Variants in MPRIP observed in about 807,000 individuals in gnomAD.
MPRIP encodes the protein myosin phosphatase Rho interacting protein.
Under a neutral mutation model 234.9 loss-of-function variants are expected in MPRIP, and 59 were observed. That is an observed-to-expected ratio of 0.25 (90% CI 0.20 to 0.31). The LOEUF is 0.31. MPRIP is among the 10% of genes least tolerant of loss of function. MPRIP has a pLI of 1.00. For synonymous variants in MPRIP, 1,144 were observed against 1,263.9 expected, an observed-to-expected ratio of 0.91 and a Z score of 2.01; for missense variants, 2,436 against 3,071.0, an observed-to-expected ratio of 0.79 and a Z score of 4.89.
At chr17:17,123,989 T>TA (rs2090444622) in intron 3 of MPRIP, among the ~76,000 whole-genome samples, 1 of 152,222 alleles carries the variant, frequency 6.6e-6, no homozygotes, top group Non-Finnish European at 1.5e-5. Flanking sequence ...AGGTAGTTAA[T>TA]ACATGCTAAT....
intron 3 of MPRIP, among the ~76,000 whole-genome samples, chr17:17,093,772 A>G (rs1028712662): frequency 2.0e-5 from 3 of 152,236 alleles, no homozygotes; most frequent in East Asian, 3.8e-4. Flanking sequence ...TCTTCTAGCC[A>G]GAATACTCCG....
intron 3 of MPRIP, among the ~76,000 whole-genome samples, chr17:17,105,658 T>C (rs976580243): frequency 1.3e-5 from 2 of 152,188 alleles, no homozygotes; most frequent in African/African-American, 4.8e-5. Context: ...TGTCTCTGAT[T>C]ATCCGACGTC....
rs1307958462 is a variant in MPRIP at position 17,166,166 on chromosome 17, AGCCCATGG to A, written c.4576_4583del (p.Ala1526ArgfsTer27). On this transcript the variant is annotated frameshift_variant, in exon 16 of 24. Coordinates refer to ENST00000651222, the MANE Select transcript of MPRIP (RefSeq NM_001364716.4). LOFTEE classifies it high-confidence loss of function. This position sits in a 1 kb window ranked among gnomAD's most constrained non-coding sequence, Gnocchi z 4.4. ...AAGCCCTGCAGCACTGGCCGGCCCC[AGCCCATGG>A]CGGGGCCCGTGCACAGCTGGAGACA... The A allele has an allele frequency of 7.7e-7, 1 of 1,302,720 alleles. No individual in the cohort carries two copies. The highest frequency in any genetic ancestry group is 2.3e-5 in the Admixed American group (1 of 43,440). The allele number at this position is 1,302,720 out of a possible 1,614,324, so 80.7% of individuals were successfully genotyped here.
At chr17:17,142,403 G>C in intron 7 of MPRIP, 1 of 503,156 alleles carries the variant, frequency 2.0e-6, no homozygotes. Flanking sequence ...GGCCTCTAGC[G>C]CGGGGGCAGA....
chr17:17,140,379 T>G (rs576261751), intron 7 of MPRIP, among the ~76,000 whole-genome samples: 19 of 152,276 alleles, frequency 1.2e-4, no homozygotes, highest in Middle Eastern at 3.4e-3. Context: ...TTTCACCTGG[T>G]GCTGGCCCCA....
chr17:17,099,246 C>T (rs1375247798), intron 3 of MPRIP, among the ~76,000 whole-genome samples: 2 of 152,200 alleles, frequency 1.3e-5, no homozygotes, highest in African/African-American at 4.8e-5. Context: ...TTTCCAGGCT[C>T]TTGCTGGGCC....
At chr17:17,181,337 G>A (rs566677155) in intron 23 of MPRIP, among the ~76,000 whole-genome samples, 12 of 152,192 alleles carry the variant, frequency 7.9e-5, no homozygotes, top group South Asian at 2.1e-4. Context: ...CGTTCATCCC[G>A]GAATGAGAAC....
At chr17:17,143,787 G>A (rs935656506) in intron 9 of MPRIP, 118 bp downstream of exon 9, 12 of 533,382 alleles carry the variant, frequency 2.2e-5, no homozygotes, top group Non-Finnish European at 3.4e-5. Flanking sequence ...ACAGGCCCTC[G>A]TGTCCGTGAG....
intron 9 of MPRIP, 69 bp downstream of exon 9, chr17:17,143,738 G>A: frequency 1.9e-6 from 2 of 1,080,926 alleles, no homozygotes; most frequent in South Asian, 1.5e-5. Context: ...GGCGCTGTCT[G>A]TTTCTGTCTA....
chr17:17,170,004 C>G (rs2046095807), intron 16 of MPRIP: 1 of 150,000 alleles, frequency 6.7e-6, no homozygotes, highest in Admixed American at 6.6e-5. Context: ...CCAAAGCACT[C>G]AGATCAAAAT....
intron 22 of MPRIP, among the ~76,000 whole-genome samples, chr17:17,177,750 A>G (rs761265584): frequency 1.3e-5 from 2 of 152,258 alleles, no homozygotes; most frequent in South Asian, 4.1e-4. Flanking sequence ...TTTGACTATA[A>G]TATCTGTAAA....
intron 1 of MPRIP, among the ~76,000 whole-genome samples, chr17:17,057,160 T>G (rs973598306): frequency 3.3e-5 from 5 of 152,182 alleles, no homozygotes; most frequent in African/African-American, 1.2e-4. Context: ...CCCTGCAGAC[T>G]GCTGGGTGGG....
At position 17,165,620 on chromosome 17, in the gene MPRIP, C is replaced by G. The variant is rs1212167485; in HGVS notation, c.4029C>G (p.Thr1343=). The change falls in exon 16 of 24, where the codon ACC becomes ACG. Residue 1343 remains threonine, a synonymous_variant. Transcript: ENST00000651222. ...CCGAAGGGTCTGAGAAGACCTGGAC[C>G]AGCAGCACATCTTCCGACACCAGCC... The part of the protein sequence containing the change: ...IHPEGSEKTW[T]SSTSSDTSQD... The G allele has an allele frequency of 7.7e-7, 1 of 1,304,944 alleles. No homozygotes were observed. The highest frequency in any genetic ancestry group is 1.2e-5 in the South Asian group (1 of 81,034). 80.8% of individuals were successfully genotyped at this position (1,304,944 alleles called of 1,614,324 possible). A position where few individuals can be genotyped will look rare whatever the true frequency, so the allele number is the denominator to read the frequency against.
chr17:17,129,857 G>A (rs2090562584), intron 4 of MPRIP, among the ~76,000 whole-genome samples: 1 of 152,246 alleles, frequency 6.6e-6, no homozygotes, highest in African/African-American at 2.4e-5. Context: ...AGAGTGGTCA[G>A]AAGAAGTGGC....
chr17:17,177,196 A>T, intron 21 of MPRIP, 54 bp from the exon 22 acceptor site: 1 of 1,555,490 alleles, frequency 6.4e-7, no homozygotes, highest in Non-Finnish European at 8.8e-7. Context: ...GCCATGTTGT[A>T]TGTGCTCCTC....
At chr17:17,120,083 T>G (rs1280790235) in intron 3 of MPRIP, among the ~76,000 whole-genome samples, 1 of 152,184 alleles carries the variant, frequency 6.6e-6, no homozygotes, top group Non-Finnish European at 1.5e-5. Context: ...CTCTGTTTTC[T>G]GGTCTGAATG....
At chr17:17,050,176 G>A (rs1438061120) in intron 1 of MPRIP, among the ~76,000 whole-genome samples, 3 of 152,178 alleles carry the variant, frequency 2.0e-5, no homozygotes, top group East Asian at 3.9e-4. Flanking sequence ...TTAATCGGGC[G>A]TGGTGGTGGG....
At position 17,164,176 on chromosome 17, in the gene MPRIP, G is replaced by A. The variant is rs1369643729; in HGVS notation, c.2585G>A (p.Ser862Asn). The A allele has an allele frequency of 5.4e-6, 7 of 1,304,354 alleles. No homozygotes were observed. The highest frequency in any genetic ancestry group is 7.1e-6 in the Non-Finnish European group (7 of 988,984). The allele number at this position is 1,304,354 out of a possible 1,614,324, so 80.8% of individuals were successfully genotyped here. ...CATAGAGTCAACCAAGACCTTCAAA[G>A]TGAGCTTGAAGCCCAGTGCCAGCGC... ...RLHRVNQDLQ[S>N]ELEAQCQRQE... is the part of the protein sequence containing the mutation. The change falls in exon 16 of 24, where the codon AGT becomes AAT. Residue 862 changes from serine to asparagine, a missense_variant. Ser to Asn is a conservative substitution (Grantham distance 46). Coordinates refer to ENST00000651222, the MANE Select transcript of MPRIP (RefSeq NM_001364716.4).
chr17:17,138,620 A>G lies in MPRIP; in HGVS notation c.1250+191A>G, dbSNP rs1209775550. On this transcript the variant is annotated intron_variant, in intron 7 of 23. Coordinates refer to ENST00000651222, the MANE Select transcript of MPRIP (RefSeq NM_001364716.4). This position sits in a 1 kb window ranked among gnomAD's most constrained non-coding sequence, Gnocchi z 5.8. ...AACTCAGCTCTAGTAGCCAGAATGC[A>G]GAATTTCTGAGCATCAGAGGTCGAC... Among the ~76,000 whole-genome samples the G allele has an allele frequency of 6.6e-6, 1 of 152,272 alleles. No homozygotes were observed. The highest frequency in any genetic ancestry group is 1.9e-4 in the East Asian group (1 of 5,198).
Sources: allele counts gnomAD v4.1 joint callset (sites outside exome capture counted in the v4.1 genomes callset), GRCh38; gene constraint gnomAD v4.1.1; non-coding constraint Gnocchi (gnomAD v3.1); transcripts MANE v1.5; gene names NCBI Gene and HGNC (gene_info 2026-07-23, HGNC 2026-07-21).